Variants in MDGA2 observed in about 807,000 individuals in gnomAD.
MDGA2 encodes the protein MAM domain containing glycosylphosphatidylinositol anchor 2.
A neutral mutation model predicts 117.8 loss-of-function variants in MDGA2; 40 were observed. The observed-to-expected ratio is 0.34, with a 90% confidence interval of 0.26 to 0.44. MDGA2 has a LOEUF of 0.44. MDGA2 is among the 20% of genes least tolerant of loss of function. MDGA2 has a pLI of 1.00. For synonymous variants in MDGA2, 452 were observed against 439.0 expected, an observed-to-expected ratio of 1.03 and a Z score of -0.37; for missense variants, 1,123 against 1,250.6, an observed-to-expected ratio of 0.90 and a Z score of 1.54.
rs1434944963 is a variant in MDGA2 at position 47,144,174 on chromosome 14, G to A, written c.696C>T (p.Ser232=). The change falls in exon 4 of 17, where the codon TCC becomes TCT. Residue 232 remains serine, a synonymous_variant. Coordinates refer to ENST00000399232, the MANE Select transcript of MDGA2 (RefSeq NM_001113498.3). Reference sequence around the variant, plus strand: ...TCCAGCTATACCGAACAGGAGGATTGGAATTGGCAACACACCGGAGGAACA... The same window carrying A: ...TCCAGCTATACCGAACAGGAGGATTAGAATTGGCAACACACCGGAGGAACA... ...RTVFLRCVAN[S]NPPVRYSWRR... 7.7e-6 allele frequency: 12 copies of A among 1,551,208 alleles called. No individual in the cohort carries two copies. Among genetic ancestry groups the A allele is most frequent in the Non-Finnish European group, 1.0e-5 (12 of 1,146,806 alleles).
intron 1 of MDGA2, among the ~76,000 whole-genome samples, chr14:47,354,230 T>G (rs570364552): frequency 2.6e-5 from 4 of 152,246 alleles, no homozygotes; most frequent in African/African-American, 9.6e-5. Context: ...TCTTCTAAGA[T>G]TCAGTGCAAG....
In MDGA2 at chr14:47,674,674, T is replaced by A; in HGVS notation, c.123A>T (p.Arg41=). 2 of 1,316,488 alleles carry A rather than the reference T, an allele frequency of 1.5e-6. No homozygotes were observed. The highest frequency in any genetic ancestry group is 2.1e-6 in the Non-Finnish European group (2 of 934,176). 81.6% of individuals were successfully genotyped at this position (1,316,488 alleles called of 1,614,324 possible). Reference sequence around the variant, plus strand: ...CGGCGGCCAGCCAGGCGCGCTCCACTCGCGCCCGGGCCAAGCCGAGGTGCC... The same window carrying A: ...CGGCGGCCAGCCAGGCGCGCTCCACACGCGCCCGGGCCAAGCCGAGGTGCC... ...VPGHLGLARA[R]VERAWLAAGL... is the part of the protein sequence containing the mutation. Residue 41 remains arginine (R), a synonymous_variant, in exon 1 of 17, where the codon CGA becomes CGT. Coordinates refer to ENST00000399232, the MANE Select transcript of MDGA2 (RefSeq NM_001113498.3).
At chr14:47,091,927 C>T (rs548746650) in intron 6 of MDGA2, among the ~76,000 whole-genome samples, 139 of 152,086 alleles carry the variant, frequency 9.1e-4, no homozygotes, top group South Asian at 2.7e-3. Context: ...AACCTCCCCA[C>T]CACACACACA....
intron 2 of MDGA2, among the ~76,000 whole-genome samples, chr14:47,247,702 T>A (rs1156706474): frequency 6.6e-6 from 1 of 151,136 alleles, no homozygotes; most frequent in Non-Finnish European, 1.5e-5. Flanking sequence ...TGCAGGTTTG[T>A]TACATAGGTA....
chr14:47,052,423 G>C (rs893715098), intron 7 of MDGA2, among the ~76,000 whole-genome samples: 3 of 151,836 alleles, frequency 2.0e-5, no homozygotes, highest in African/African-American at 7.2e-5. Context: ...TCAAACCTTT[G>C]TTCTGATATT....
At position 46,855,323 on chromosome 14, in the gene MDGA2, T is replaced by C. The variant is rs1400495172; in HGVS notation, c.2753-169A>G. On this transcript the variant is annotated intron_variant, in intron 14 of 16. Transcript: ENST00000399232. This position sits in a 1 kb window ranked among gnomAD's most constrained non-coding sequence, Gnocchi z 4.1. ...ATCTTGCTCTTATGACATTTGACATTTGATCCAAAAGTAACCATCTCCTAA... is the reference window on the plus strand; with the variant it reads ...ATCTTGCTCTTATGACATTTGACATCTGATCCAAAAGTAACCATCTCCTAA... Among the ~76,000 whole-genome samples, 1 of 152,154 alleles carries C rather than the reference T, an allele frequency of 6.6e-6. No homozygotes were observed.
rs574464633 is a variant in MDGA2, at chr14:47,136,412, G to C, written c.793-4566C>G. The stretch of plus-strand genomic sequence containing the variant: ...GGATTTCACCATATTGACCAGGCTG[G>C]TCTGGAACTCCTGGCCTCAAGTGAT... On this transcript the variant is annotated intron_variant, in intron 4 of 16. Coordinates refer to ENST00000399232, the MANE Select transcript of MDGA2 (RefSeq NM_001113498.3). 2.3e-4 allele frequency among the ~76,000 whole-genome samples: 35 copies of C among 151,996 alleles called. 1 individual carries two copies. The South Asian group carries it at 6.9e-3, about 30-fold the overall frequency.
chr14:47,378,589 A>C (rs1891535029), intron 1 of MDGA2, among the ~76,000 whole-genome samples: 1 of 152,196 alleles, frequency 6.6e-6, no homozygotes, highest in Non-Finnish European at 1.5e-5. Flanking sequence ...TCAGTAGCCG[A>C]TTCGATCAAG....
At chr14:47,467,416 A>G (rs1893626322) in intron 1 of MDGA2, among the ~76,000 whole-genome samples, 2 of 152,158 alleles carry the variant, frequency 1.3e-5, no homozygotes, top group Admixed American at 6.6e-5. Context: ...ATGATATCCA[A>G]TAAAAGTTCT....
intron 6 of MDGA2, among the ~76,000 whole-genome samples, chr14:47,081,037 GTT>G (rs1890691025): frequency 6.6e-6 from 1 of 151,900 alleles, no homozygotes; most frequent in Admixed American, 6.6e-5. Context: ...GTGTCTCTAT[GTT>G]ACAGTATACC....
chr14:47,294,898 AGCATCAATAACTCT>A (rs1889011068), intron 2 of MDGA2, among the ~76,000 whole-genome samples: 1 of 152,208 alleles, frequency 6.6e-6, no homozygotes, highest in Non-Finnish European at 1.5e-5. Context: ...CAAGGACAAA[AGCATCAATAACTCT>A]GCAACAGCCT....
intron 5 of MDGA2, among the ~76,000 whole-genome samples, chr14:47,108,638 C>T (rs981072856): frequency 2.6e-5 from 4 of 152,142 alleles, no homozygotes; most frequent in East Asian, 1.9e-4. Context: ...TCCTATAAAA[C>T]GGCCCCACCC....
intron 5 of MDGA2, among the ~76,000 whole-genome samples, chr14:47,098,302 T>C (rs1314901351): frequency 6.8e-6 from 1 of 146,284 alleles, no homozygotes; most frequent in Non-Finnish European, 1.5e-5. Flanking sequence ...AAGAAAATAA[T>C]TTCACATTAC....
chr14:47,395,917 A>G (rs1891997458), intron 1 of MDGA2, among the ~76,000 whole-genome samples: 1 of 152,192 alleles, frequency 6.6e-6, no homozygotes, highest in African/African-American at 2.4e-5. Context: ...CTAGCAATTT[A>G]TGCCACAGGT....
intron 6 of MDGA2, among the ~76,000 whole-genome samples, chr14:47,075,483 T>C (rs1346327338): frequency 1.3e-5 from 2 of 152,056 alleles, no homozygotes; most frequent in South Asian, 2.1e-4. Context: ...AACAAATTTG[T>C]TCCATTTTGT....
rs1566504353 is a variant in MDGA2 at position 47,537,573 on chromosome 14, T to TAAAAAAAAAAAAAAAAAAAAAA, written c.280+136943_280+136944insTTTTTTTTTTTTTTTTTTTTTT. ...ATTATCCACTGTTACCTTCTCTCTGTTAAAAAAAAAAAAAAAAAAAAAAAA... is the reference window on the plus strand; with the variant it reads ...ATTATCCACTGTTACCTTCTCTCTGTAAAAAAAAAAAAAAAAAAAAAATAAAAAAAAAAAAAAAAAAAAAAAA... On this transcript the variant is annotated intron_variant, in intron 1 of 16. Coordinates refer to ENST00000399232, the MANE Select transcript of MDGA2 (RefSeq NM_001113498.3). Among the ~76,000 whole-genome samples, 10 of 57,106 alleles carry TAAAAAAAAAAAAAAAAAAAAAA rather than the reference T, an allele frequency of 1.8e-4. 2 individuals carry two copies. The highest frequency in any genetic ancestry group is 2.4e-4 in the Non-Finnish European group (7 of 29,088). 37.5% of individuals were successfully genotyped at this position (57,106 alleles called of 152,430 possible).
At chr14:47,258,995 T>C (rs1233566074) in intron 2 of MDGA2, among the ~76,000 whole-genome samples, 1 of 152,122 alleles carries the variant, frequency 6.6e-6, no homozygotes, top group Non-Finnish European at 1.5e-5. Flanking sequence ...TTCAATTATG[T>C]TGAAAACAAA....
intron 1 of MDGA2, among the ~76,000 whole-genome samples, chr14:47,310,649 A>C (rs1387776545): frequency 6.6e-6 from 1 of 151,996 alleles, no homozygotes; most frequent in Non-Finnish European, 1.5e-5. Flanking sequence ...CTACATCCTG[A>C]ATTGTCTCCC....
intron 16 of MDGA2, among the ~76,000 whole-genome samples, chr14:46,844,871 T>A (rs1003652835): frequency 4.6e-4 from 70 of 151,422 alleles, no homozygotes; most frequent in East Asian, 4.5e-3. Context: ...TCTGATGATT[T>A]TTATTATTAT....
Sources: allele counts gnomAD v4.1 joint callset (sites outside exome capture counted in the v4.1 genomes callset), GRCh38; gene constraint gnomAD v4.1.1; non-coding constraint Gnocchi (gnomAD v3.1); transcripts MANE v1.5; gene names NCBI Gene and HGNC (gene_info 2026-07-23, HGNC 2026-07-21).